Variants in MAGI2 observed in about 807,000 individuals in gnomAD.
MAGI2 encodes the protein membrane-associated guanylate kinase, WW and PDZ domain-containing protein 2.
MAGI2 carries 35 observed loss-of-function variants against 133.3 expected under a neutral mutation model. The observed-to-expected ratio is 0.26, with a 90% CI of 0.20 to 0.35. MAGI2 has a LOEUF of 0.35. MAGI2 is among the 10% of genes least tolerant of loss of function. The pLI is 1.00. For synonymous variants in MAGI2, 729 were observed against 710.6 expected (o/e 1.03, Z -0.41); for missense variants, 1,636 against 1,863.4 (o/e 0.88, Z 2.25).
intron 1 of MAGI2, among the ~76,000 whole-genome samples, chr7:79,417,750 C>CCA (rs373506760): frequency 7.7e-6 from 1 of 129,858 alleles, no homozygotes; most frequent in Non-Finnish European, 1.7e-5. Flanking sequence ...CACATATGCA[C>CCA]AAAAAAAAAA....
chr7:78,616,169 AAC>A (rs1274094079), intron 3 of MAGI2: 1 of 152,218 alleles, frequency 6.6e-6, no homozygotes, highest in East Asian at 1.9e-4. Context: ...TTAATGAGAA[AAC>A]ACACATTCTA....
chr7:79,245,712 C>T (rs188756800), intron 1 of MAGI2, among the ~76,000 whole-genome samples: 32 of 152,304 alleles, frequency 2.1e-4, no homozygotes, highest in Middle Eastern at 3.4e-3. Flanking sequence ...GAACTTGCCA[C>T]CCTGAAGGGA....
chr7:78,323,197 T>C (rs1223346474), intron 9 of MAGI2, among the ~76,000 whole-genome samples: 2 of 152,220 alleles, frequency 1.3e-5, no homozygotes, highest in Non-Finnish European at 2.9e-5. Context: ...ATATCAAGTA[T>C]ATACTTGGGT....
chr7:78,262,074 T>C (rs1793568173), intron 9 of MAGI2, among the ~76,000 whole-genome samples: 1 of 152,148 alleles, frequency 6.6e-6, no homozygotes, highest in Non-Finnish European at 1.5e-5. Context: ...ATGGTCTCCT[T>C]AGAGTGACAG....
chr7:79,258,022 G>A (rs763067827), intron 1 of MAGI2, among the ~76,000 whole-genome samples: 42 of 151,990 alleles, frequency 2.8e-4, no homozygotes, highest in African/African-American at 6.3e-4. Context: ...CTTAAACTTC[G>A]CAACCATTAT....
intron 1 of MAGI2, among the ~76,000 whole-genome samples, chr7:79,136,052 A>G (rs375320967): frequency 5.9e-5 from 8 of 136,358 alleles, no homozygotes; most frequent in East Asian, 2.1e-4. Context: ...AAAGAAGGAA[A>G]GAAAGAAAGA....
At chr7:79,335,365 G>A (rs1189676791) in intron 1 of MAGI2, among the ~76,000 whole-genome samples, 1 of 152,084 alleles carries the variant, frequency 6.6e-6, no homozygotes, top group Non-Finnish European at 1.5e-5. Context: ...TGCCTGCTGT[G>A]ATATGAGTGG....
chr7:79,061,010 G>GCACAGTC (rs1486429405), intron 1 of MAGI2, among the ~76,000 whole-genome samples: 5 of 152,120 alleles, frequency 3.3e-5, no homozygotes, highest in Admixed American at 3.3e-4. Context: ...TTATCTTGAA[G>GCACAGTC]CACAGTCCTA....
intron 2 of MAGI2, among the ~76,000 whole-genome samples, chr7:78,848,880 T>A (rs949518492): frequency 6.6e-6 from 1 of 152,084 alleles, no homozygotes; most frequent in Non-Finnish European, 1.5e-5. Flanking sequence ...AAATCACTTA[T>A]GTATTTGTTT....
chr7:78,256,458 G>C lies in MAGI2; in HGVS notation c.1532C>G (p.Pro511Arg). 1 of 1,613,916 alleles carries C rather than the reference G, an allele frequency of 6.2e-7. No homozygotes were observed. The highest frequency in any genetic ancestry group is 8.5e-7 in the Non-Finnish European group (1 of 1,179,960). ...AGGGTCTTCAGGATCAAAGGGCAAA[G>C]GGTAGCCACGACACAACACCAGGTT... Reference protein sequence around the residue: ...SVNLVLCRGYPLPFDPEDPAN... With the variant: ...SVNLVLCRGYRLPFDPEDPAN... Residue 511 changes from proline (P) to arginine (R), a missense_variant, in exon 10 of 22, where the codon CCT becomes CGT. Coordinates refer to ENST00000354212, the MANE Select transcript of MAGI2 (RefSeq NM_012301.4).
chr7:79,345,691 G>T (rs1402371306), intron 1 of MAGI2, among the ~76,000 whole-genome samples: 1 of 152,056 alleles, frequency 6.6e-6, no homozygotes, highest in Non-Finnish European at 1.5e-5. Flanking sequence ...AGAAAAATTG[G>T]CAATTTAAAA....
chr7:78,743,202 A>G (rs1202003310), intron 2 of MAGI2, among the ~76,000 whole-genome samples: 1 of 152,186 alleles, frequency 6.6e-6, no homozygotes, highest in African/African-American at 2.4e-5. Context: ...CTAGAACCCT[A>G]TAGAGATATA....
chr7:79,035,101 T>C (rs1392360179), intron 1 of MAGI2, among the ~76,000 whole-genome samples: 1 of 151,904 alleles, frequency 6.6e-6, no homozygotes, highest in Non-Finnish European at 1.5e-5. Flanking sequence ...TTGAAAAGCA[T>C]GAAATCCTTG....
At chr7:78,424,423 G>C (rs755553160) in intron 6 of MAGI2, among the ~76,000 whole-genome samples, 5 of 152,178 alleles carry the variant, frequency 3.3e-5, no homozygotes, top group Non-Finnish European at 7.3e-5. Flanking sequence ...CCTCTGCTAG[G>C]GCAATGCAGA....
At chr7:78,642,720 C>T (rs2150991962) in intron 2 of MAGI2, among the ~76,000 whole-genome samples, 1 of 152,312 alleles carries the variant, frequency 6.6e-6, no homozygotes, top group Non-Finnish European at 1.5e-5. Flanking sequence ...GCATTGTACT[C>T]TGCTTTTTGC....
chr7:78,478,146 T>A (rs181056585), intron 6 of MAGI2, among the ~76,000 whole-genome samples: 88 of 151,928 alleles, frequency 5.8e-4, no homozygotes, highest in Non-Finnish European at 1.0e-3. Context: ...ATTGTTCAAC[T>A]CCCACTTATG....
At chr7:79,028,291 ATGTGTG>A (rs1287860727) in intron 1 of MAGI2, among the ~76,000 whole-genome samples, 33 of 36,730 alleles carry the variant, frequency 9.0e-4, no homozygotes, top group African/African-American at 2.6e-3. Flanking sequence ...ATATATATAT[ATGTGTG>A]TATATATATA....
intron 1 of MAGI2, among the ~76,000 whole-genome samples, chr7:79,352,056 T>G (rs1366761531): frequency 1.3e-5 from 2 of 152,174 alleles, no homozygotes; most frequent in Non-Finnish European, 2.9e-5. Flanking sequence ...AGGGTACAGA[T>G]AACACCATAT....
intron 13 of MAGI2, among the ~76,000 whole-genome samples, chr7:78,184,991 G>A (rs558955564): frequency 1.6e-4 from 24 of 152,224 alleles, no homozygotes; most frequent in African/African-American, 5.5e-4. Context: ...CAAATCTCTT[G>A]AGACCTTCTA....
Sources: allele counts gnomAD v4.1 joint callset (sites outside exome capture counted in the v4.1 genomes callset), GRCh38; gene constraint gnomAD v4.1.1; transcripts MANE v1.5; gene names NCBI Gene and HGNC (gene_info 2026-07-23, HGNC 2026-07-21).